The following FREM3 variants were observed in gnomAD, a reference collection of about 807,000 sequenced individuals.
FREM3 encodes FRAS1 related extracellular matrix 3.
A neutral mutation model predicts 129.1 loss-of-function variants in FREM3; 105 were observed. The observed-to-expected ratio is 0.81, with a 90% confidence interval of 0.69 to 0.96. The LOEUF (loss-of-function observed/expected upper bound fraction) is 0.96. Ranked by LOEUF, FREM3 falls within the 40% of genes least tolerant of loss-of-function variation. FREM3 has a pLI of 0.00. For synonymous variants in FREM3, 1,014 were observed against 1,044.9 expected (o/e 0.97, Z 0.57); for missense variants, 2,593 against 2,666.3 (o/e 0.97, Z 0.61).
At chr4:143,584,670 C>G (rs573165019) in intron 7 of FREM3, among the ~76,000 whole-genome samples, 1 of 152,166 alleles carries the variant, frequency 6.6e-6, no homozygotes, top group East Asian at 1.9e-4. Context: ...GATAACCATA[C>G]AATAATAATG....
chr4:143,700,565 C>A lies in FREM3; in HGVS notation c.111G>T (p.Gly37=). 7.9e-6 allele frequency: 12 copies of A among 1,510,914 alleles called. No homozygotes were observed. The highest frequency in any genetic ancestry group is 1.1e-5 in the Non-Finnish European group (12 of 1,131,940). The allele number at this position is 1,510,914 out of a possible 1,614,324, so 93.6% of individuals were successfully genotyped here. ...GGTAAAGCGCCGGGTCGGGCTCGGT[C>A]CCAAGTGAGGATGCCCGTCCCTGCA... ...PALQGRASSL[G]TEPDPALYLP... Residue 37 remains glycine (G), a synonymous_variant, in exon 1 of 8, where the codon GGG becomes GGT. Transcript: ENST00000329798.
At chr4:143,694,527 G>T (rs1740530828) in intron 1 of FREM3, among the ~76,000 whole-genome samples, 1 of 152,036 alleles carries the variant, frequency 6.6e-6, no homozygotes, top group Admixed American at 6.6e-5. Flanking sequence ...GCTTTCAGGG[G>T]TGTTTGTTTA....
At chr4:143,692,246 G>A (rs1188801237) in intron 2 of FREM3, among the ~76,000 whole-genome samples, 2 of 152,044 alleles carry the variant, frequency 1.3e-5, no homozygotes, top group Admixed American at 6.6e-5. Flanking sequence ...AAGAGGACAA[G>A]GTCACTTACT....
Position 143,699,057 on chromosome 4 carries a change from T to G in FREM3, c.1619A>C (p.Asp540Ala). 1 of 1,537,404 alleles carries G rather than the reference T, an allele frequency of 6.5e-7. No homozygotes were observed. ...AGTATTGACCATTGGTGGTTCATCA[T>G]CCACAGGTAGGATGGTGAGGGGAAA... ...FLFPLTILPV[D>A]DEPPMVNTNT... The change falls in exon 1 of 8, where the codon GAT becomes GCT. Residue 540 changes from aspartate to alanine, a missense_variant. Coordinates refer to ENST00000329798, the MANE Select transcript of FREM3 (RefSeq NM_001168235.2). This position sits in a 1 kb window ranked among gnomAD's most constrained non-coding sequence, Gnocchi z 4.2.
Position 143,699,607 on chromosome 4 carries a change from G to A in FREM3, c.1069C>T (p.Pro357Ser), listed in dbSNP as rs1361200658. Reference sequence around the variant, plus strand: ...CTGACCACGTAGCCCTGTTGCCCCGGGTGCCCTGGTGGGTGAGTGGGGGCG... The same window carrying A: ...CTGACCACGTAGCCCTGTTGCCCCGAGTGCCCTGGTGGGTGAGTGGGGGCG... The part of the protein sequence containing the change: ...LNAPTHPPGH[P>S]GQQGYVVSTD... Residue 357 changes from proline (P) to serine (S), a missense_variant, in exon 1 of 8, where the codon CCG becomes TCG. Coordinates refer to ENST00000329798, the MANE Select transcript of FREM3 (RefSeq NM_001168235.2). The surrounding 1 kb of genome is among the most constrained non-coding windows in gnomAD (Gnocchi z 4.2). 6.5e-7 allele frequency: 1 copy of A among 1,528,792 alleles called. No homozygotes were observed. Among genetic ancestry groups the A allele is most frequent in the Admixed American group, 2.0e-5 (1 of 50,422 alleles). 94.7% of individuals were successfully genotyped at this position (1,528,792 alleles called of 1,614,324 possible).
intron 2 of FREM3, among the ~76,000 whole-genome samples, chr4:143,653,242 C>T (rs542540292): frequency 6.6e-6 from 1 of 152,320 alleles, no homozygotes; most frequent in East Asian, 1.9e-4. Flanking sequence ...TCTCAAAAGA[C>T]TGAAGTCAAC....
chr4:143,586,573 A>G (rs1188474250), intron 6 of FREM3, among the ~76,000 whole-genome samples: 1 of 152,200 alleles, frequency 6.6e-6, no homozygotes, highest in African/African-American at 2.4e-5. Context: ...AAGTGACTCC[A>G]TAGAAAAAGA....
At chr4:143,598,219 G>C (rs577107391) in intron 6 of FREM3, among the ~76,000 whole-genome samples, 39 of 152,360 alleles carry the variant, frequency 2.6e-4, no homozygotes, top group African/African-American at 9.1e-4. Context: ...TGCATCAGTG[G>C]TCTGAGGCAG....
intron 6 of FREM3, among the ~76,000 whole-genome samples, chr4:143,598,395 G>C (rs1263872322): frequency 6.6e-6 from 1 of 152,192 alleles, no homozygotes; most frequent in Admixed American, 6.5e-5. Context: ...TGCAGCTGTG[G>C]CATATGCTAG....
chr4:143,583,820 G>A (rs1309116479), intron 7 of FREM3, among the ~76,000 whole-genome samples: 1 of 152,122 alleles, frequency 6.6e-6, no homozygotes, highest in African/African-American at 2.4e-5. Flanking sequence ...CACTAAATAT[G>A]GAAATGAAAG....
Position 143,695,995 on chromosome 4 carries a change from T to G in FREM3, c.4681A>C (p.Thr1561Pro). The G allele has an allele frequency of 1.3e-6, 2 of 1,537,910 alleles. No individual in the cohort carries two copies. The highest frequency in any genetic ancestry group is 1.7e-6 in the Non-Finnish European group (2 of 1,147,060). The change falls in exon 1 of 8, where the codon ACA (threonine) becomes CCA (proline). Residue 1561 changes from threonine (T) to proline (P), a missense_variant. By Grantham distance (38) the Thr-to-Pro change is conservative. Transcript: ENST00000329798. Reference protein sequence around the residue: ...DSQLITLLELTVEDSDTPDDL... With the variant: ...DSQLITLLELPVEDSDTPDDL... ...TCTGGGGTATCACTGTCTTCCACTG[T>G]CAACTCAAGGAGAGTGATCAGTTGG...
rs1021075457 is a variant in FREM3, at chr4:143,697,124, T to G, written c.3552A>C (p.Ile1184=). The G allele has an allele frequency of 1.3e-6, 2 of 1,537,828 alleles. No individual in the cohort carries two copies. Among genetic ancestry groups the G allele is most frequent in the Non-Finnish European group, 8.7e-7 (1 of 1,147,040 alleles). Residue 1184 remains isoleucine, a synonymous_variant, in exon 1 of 8, where the codon ATA becomes ATC. Coordinates refer to ENST00000329798, the MANE Select transcript of FREM3 (RefSeq NM_001168235.2). The part of the protein sequence containing the change: ...INFSPNVFFP[I]IILPTNDEQP... ...GCTCATCATTGGTGGGTAGGATGAT[T>G]ATAGGGAAGAAGACATTTGGGGAGA...
At chr4:143,596,823 A>C (rs1738492345) in intron 6 of FREM3, among the ~76,000 whole-genome samples, 1 of 152,084 alleles carries the variant, frequency 6.6e-6, no homozygotes, top group Non-Finnish European at 1.5e-5. Context: ...CTGTAGTCCC[A>C]ACTTTGTGGG....
intron 4 of FREM3, among the ~76,000 whole-genome samples, chr4:143,622,343 C>T (rs930389780): frequency 2.6e-5 from 4 of 151,140 alleles, no homozygotes; most frequent in Non-Finnish European, 5.9e-5. Flanking sequence ...ATCTGCCTGC[C>T]TCGGCCTCCT....
At chr4:143,621,224 C>T in intron 4 of FREM3, 62 bp from the exon 5 acceptor site, 2 of 1,449,738 alleles carry the variant, frequency 1.4e-6, no homozygotes, top group African/African-American at 1.4e-5. Context: ...TATTTAAACA[C>T]ACCTGAGCAG....
At chr4:143,660,260 A>G (rs1045888396) in intron 2 of FREM3, among the ~76,000 whole-genome samples, 5 of 151,400 alleles carry the variant, frequency 3.3e-5, no homozygotes, top group African/African-American at 4.9e-5. Flanking sequence ...TAATTTTTGT[A>G]TAAGGTGTAA....
rs1380411710 is a variant in FREM3, at chr4:143,698,474, G to A, written c.2202C>T (p.Asp734=). Residue 734 remains aspartate (D), a synonymous_variant, in exon 1 of 8, where the codon GAC becomes GAT. Coordinates refer to ENST00000329798, the MANE Select transcript of FREM3 (RefSeq NM_001168235.2). ...QKNFLRYIDQ[D]SDDQNLWYTL... Reference sequence around the variant, plus strand: ...TGTACCATAGGTTCTGGTCATCAGAGTCCTGGTCAATGTATCGGAGGAAAT... The same window carrying A: ...TGTACCATAGGTTCTGGTCATCAGAATCCTGGTCAATGTATCGGAGGAAAT... 1 of 1,537,748 alleles carries A rather than the reference G, an allele frequency of 6.5e-7. No individual in the cohort carries two copies. Among genetic ancestry groups the A allele is most frequent in the African/African-American group, 1.4e-5 (1 of 73,050 alleles).
At position 143,637,627 on chromosome 4, in the gene FREM3, C is replaced by CT. The variant is rs1739255554; in HGVS notation, c.5276-9868dup. Among the ~76,000 whole-genome samples, 10 of 152,140 alleles carry CT rather than the reference C, an allele frequency of 6.6e-5. No homozygotes were observed. The South Asian group carries it at 2.1e-3, about 32-fold the overall frequency. On this transcript the variant is annotated intron_variant, in intron 2 of 7. Coordinates refer to ENST00000329798, the MANE Select transcript of FREM3 (RefSeq NM_001168235.2). Reference sequence around the variant, plus strand: ...GGAGCTTGGAGGGACAGGTGGCTCTCTTTTTGGAGACTGCAACATTACAGG... The same window carrying CT: ...GGAGCTTGGAGGGACAGGTGGCTCTCTTTTTTGGAGACTGCAACATTACAGG...
In FREM3 at chr4:143,700,275, G is replaced by C. The variant is rs979810210; in HGVS notation, c.401C>G (p.Pro134Arg). The C allele has an allele frequency of 5.2e-6, 8 of 1,536,270 alleles. No individual in the cohort carries two copies. In the African/African-American group the frequency reaches 9.6e-5, roughly 18 times the overall value. Reference sequence around the variant, plus strand: ...CTGCAGCAGCACCCGGGCGCGTCCGGGGCTGTGGGAGCCGAAGTGAGTGTA... The same window carrying C: ...CTGCAGCAGCACCCGGGCGCGTCCGCGGCTGTGGGAGCCGAAGTGAGTGTA... ...VQYTHFGSHS[P>R]GRARVLLQLR... The change falls in exon 1 of 8, where the codon CCC (proline) becomes CGC (arginine). Residue 134 changes from proline (P) to arginine (R), a missense_variant. Physicochemically the swap from Pro to Arg is moderately radical, Grantham distance 103. Around this residue, in one of 2 missense-constraint regions of FREM3, gnomAD observed 2,276 missense variants for 2,267.2 expected, o/e 1.00. Transcript: ENST00000329798.
Sources: allele counts gnomAD v4.1 joint callset (sites outside exome capture counted in the v4.1 genomes callset), GRCh38; gene constraint gnomAD v4.1.1; regional missense constraint gnomAD v4.1.1; non-coding constraint Gnocchi (gnomAD v3.1); transcripts MANE v1.5; gene names NCBI Gene and HGNC (gene_info 2026-07-23, HGNC 2026-07-21).